Variants in MLIP observed in about 807,000 individuals in gnomAD.
MLIP encodes muscular LMNA-interacting protein.
In MLIP, 79 loss-of-function variants were observed where a neutral mutation model predicts 84.8. The observed-to-expected ratio is 0.93, with a 90% CI of 0.78 to 1.12. MLIP has a LOEUF of 1.12. MLIP is among the 50% of genes most tolerant of loss of function. The pLI is 0.00. For missense variants in MLIP, 1,257 were observed against 1,160.6 expected, an observed-to-expected ratio of 1.08 and a Z score of -1.21; for synonymous variants, 504 against 463.0, an observed-to-expected ratio of 1.09 and a Z score of -1.14.
At chr6:54,040,557 T>C (rs1764685242) in intron 1 of MLIP, among the ~76,000 whole-genome samples, 1 of 152,044 alleles carries the variant, frequency 6.6e-6, no homozygotes, top group Non-Finnish European at 1.5e-5. Flanking sequence ...GCAATCCCAT[T>C]ACTGGGTTTA....
intron 1 of MLIP, among the ~76,000 whole-genome samples, chr6:54,116,407 C>T (rs868386604): frequency 2.4e-4 from 36 of 152,180 alleles, no homozygotes; most frequent in South Asian, 4.1e-4. Flanking sequence ...GAGAATAAAA[C>T]GGAGACATTA....
At chr6:54,060,985 CTTTT>C (rs78569538) in intron 1 of MLIP, among the ~76,000 whole-genome samples, 2 of 128,056 alleles carry the variant, frequency 1.6e-5, no homozygotes, top group African/African-American at 2.8e-5. Context: ...TTTACTGTTT[CTTTT>C]TTTTTTTTTT....
At chr6:54,175,950 T>C (rs1200874129) in intron 9 of MLIP, among the ~76,000 whole-genome samples, 1 of 152,068 alleles carries the variant, frequency 6.6e-6, no homozygotes, top group Non-Finnish European at 1.5e-5. Context: ...TGAAGGGATG[T>C]TGAATTTTAT....
At chr6:54,023,948 C>T (rs576836069) in intron 1 of MLIP, among the ~76,000 whole-genome samples, 1 of 152,276 alleles carries the variant, frequency 6.6e-6, no homozygotes, top group South Asian at 2.1e-4. Context: ...AAATGTAAAG[C>T]TACAAAGAAT....
Position 54,257,309 on chromosome 6 carries a change from TGA to T in MLIP, c.2926_2927del (p.His977SerfsTer7). 1 of 1,612,108 alleles carries T rather than the reference TGA, an allele frequency of 6.2e-7. No homozygotes were observed. Among genetic ancestry groups the T allele is most frequent in the Non-Finnish European group, 8.5e-7 (1 of 1,178,568 alleles). The stretch of plus-strand genomic sequence containing the variant: ...ATCCTGGGCATCTTTTCTGTGAAGC[TGA>T]GTCATCCAATGGTGGCTATTCCTGA... On this transcript the variant is annotated frameshift_variant and splice_region_variant, in exon 13 of 14. Transcript: ENST00000502396. LOFTEE classifies it high-confidence loss of function.
At chr6:54,154,421 A>T (rs1364766670) in intron 5 of MLIP, among the ~76,000 whole-genome samples, 1 of 152,200 alleles carries the variant, frequency 6.6e-6, no homozygotes, top group Non-Finnish European at 1.5e-5. Flanking sequence ...TGAAGATTAG[A>T]CAATACAATC....
chr6:54,078,099 C>T (rs1032414548), intron 1 of MLIP, among the ~76,000 whole-genome samples: 1 of 152,164 alleles, frequency 6.6e-6, no homozygotes, highest in African/African-American at 2.4e-5. Context: ...GCCCAATTTA[C>T]CTCCCCTGAC....
At chr6:54,186,332 T>A (rs1212046695) in intron 9 of MLIP, among the ~76,000 whole-genome samples, 1 of 152,224 alleles carries the variant, frequency 6.6e-6, no homozygotes, top group Admixed American at 6.5e-5. Flanking sequence ...ATCTGTATGC[T>A]GACCAGTTCC....
rs1326794916 is a variant in MLIP at position 54,179,636 on chromosome 6, A to G, written c.2544+10064A>G. 2.0e-5 allele frequency among the ~76,000 whole-genome samples: 3 copies of G among 152,250 alleles called. No individual in the cohort carries two copies. In the East Asian group the frequency reaches 5.8e-4, roughly 29 times the overall value. ...CTATCTTATTCATTATTTTAAACTG[A>G]TGACAACACTTGACACTAATTGCAT... On this transcript the variant is annotated intron_variant, in intron 9 of 13. Transcript: ENST00000502396.
chr6:54,021,491 A>G (rs933472207), intron 1 of MLIP, among the ~76,000 whole-genome samples: 1 of 152,196 alleles, frequency 6.6e-6, no homozygotes, highest in African/African-American at 2.4e-5. Context: ...TAAGAAAGTC[A>G]CCAGTCTGCA....
intron 1 of MLIP, among the ~76,000 whole-genome samples, chr6:54,105,255 C>A (rs1298224304): frequency 6.6e-6 from 1 of 152,144 alleles, no homozygotes; most frequent in Non-Finnish European, 1.5e-5. Context: ...ACTGCTGTTA[C>A]TTGCGTCCTG....
At chr6:54,087,533 A>G (rs1320918150) in intron 1 of MLIP, among the ~76,000 whole-genome samples, 2 of 152,172 alleles carry the variant, frequency 1.3e-5, no homozygotes, top group East Asian at 1.9e-4. Context: ...AATGAATCTA[A>G]TAGAGGGGCC....
At chr6:54,084,799 C>T (rs557836957) in intron 1 of MLIP, among the ~76,000 whole-genome samples, 10 of 152,078 alleles carry the variant, frequency 6.6e-5, no homozygotes, top group South Asian at 2.1e-4. Flanking sequence ...CTAAGAGTCA[C>T]GGGAGCAAAT....
chr6:54,166,931 C>T (rs1026399887), intron 8 of MLIP, among the ~76,000 whole-genome samples: 7 of 151,876 alleles, frequency 4.6e-5, no homozygotes, highest in African/African-American at 1.5e-4. Context: ...GGTAGAATTT[C>T]GCTCTTTCAT....
At chr6:54,251,633 ATATAT>A (rs374837638) in intron 12 of MLIP, among the ~76,000 whole-genome samples, 4,732 of 105,340 alleles carry the variant, frequency 0.045, 172 homozygotes, top group East Asian at 0.11. Context: ...ATACAAATAT[ATATAT>A]TATAACATAT....
chr6:54,175,918 T>G (rs1776236355), intron 9 of MLIP, among the ~76,000 whole-genome samples: 1 of 152,100 alleles, frequency 6.6e-6, no homozygotes. Context: ...CTGTGCCCAG[T>G]TTTTTGAGAG....
intron 5 of MLIP, among the ~76,000 whole-genome samples, chr6:54,152,591 C>G (rs1773564009): frequency 2.6e-5 from 4 of 152,088 alleles, no homozygotes; most frequent in Admixed American, 2.6e-4. Context: ...TCAGTTACCT[C>G]CCTCTGGGTC....
In MLIP at chr6:54,089,323, C is replaced by T. The variant is rs114066087; in HGVS notation, c.64-32124C>T. On this transcript the variant is annotated intron_variant, in intron 1 of 12. Coordinates refer to the MLIP transcript ENST00000274897. ...AGGATATAAATTCCACCGGGAATTA[C>T]CTTAAGCTAAGTTTGAATATTGGGC... 5.2e-3 allele frequency among the ~76,000 whole-genome samples: 790 copies of T among 152,218 alleles called. 4 individuals carry two copies. The highest frequency in any genetic ancestry group is 0.014 in the Middle Eastern group (4 of 294).
intron 12 of MLIP, among the ~76,000 whole-genome samples, chr6:54,231,637 CTAGTACAGATG>C (rs1364819589): frequency 6.6e-6 from 1 of 152,126 alleles, no homozygotes; most frequent in African/African-American, 2.4e-5. Flanking sequence ...GGCATCCTGG[CTAGTACAGATG>C]CTCAGACCCT....
Sources: allele counts gnomAD v4.1 joint callset (sites outside exome capture counted in the v4.1 genomes callset), GRCh38; gene constraint gnomAD v4.1.1; transcripts MANE v1.5; gene names NCBI Gene and HGNC (gene_info 2026-07-23, HGNC 2026-07-21).